The following DPH6 variants were observed in gnomAD, a reference collection of about 807,000 sequenced individuals.
The protein encoded by DPH6 is diphthine--ammonia ligase.
In DPH6, 33 loss-of-function variants were observed where a neutral mutation model predicts 38.2. The observed-to-expected ratio is 0.86, with a 90% CI of 0.65 to 1.15. DPH6 has a LOEUF of 1.15. Ranked by LOEUF, DPH6 falls within the 50% of genes most tolerant of loss-of-function variation. DPH6 has a pLI of 0.00. For missense variants in DPH6, 325 were observed against 320.0 expected (o/e 1.02, Z -0.12); for synonymous variants, 108 against 103.0 (o/e 1.05, Z -0.30).
intron 5 of DPH6, among the ~76,000 whole-genome samples, chr15:35,441,830 ATATG>A (rs1211542321): frequency 2.6e-5 from 4 of 152,196 alleles, no homozygotes; most frequent in South Asian, 2.1e-4. Context: ...ATGAGCTCAT[ATATG>A]TATGTGTGTG....
At chr15:35,418,649 C>T (rs961753768) in intron 5 of DPH6, among the ~76,000 whole-genome samples, 1 of 152,112 alleles carries the variant, frequency 6.6e-6, no homozygotes, top group African/African-American at 2.4e-5. Context: ...ACTTTACTTA[C>T]TGACCTTGAA....
At chr15:35,465,025 T>TA (rs2054110837) in intron 3 of DPH6, among the ~76,000 whole-genome samples, 1 of 152,198 alleles carries the variant, frequency 6.6e-6, no homozygotes, top group African/African-American at 2.4e-5. Flanking sequence ...AGACACAAAT[T>TA]AGACTGTTGA....
intron 3 of DPH6, among the ~76,000 whole-genome samples, chr15:35,254,012 T>A (rs1374404440): frequency 6.6e-6 from 1 of 152,190 alleles, no homozygotes; most frequent in Non-Finnish European, 1.5e-5. Flanking sequence ...CATTTGTTGA[T>A]TTGAATATCA....
chr15:35,360,743 G>A (rs951085248), intron 3 of DPH6, among the ~76,000 whole-genome samples: 1 of 152,010 alleles, frequency 6.6e-6, no homozygotes, highest in Admixed American at 6.5e-5. Flanking sequence ...CTGTCTCTGG[G>A]CTATGGTAGA....
chr15:35,308,376 T>C (rs181363891), intron 3 of DPH6, among the ~76,000 whole-genome samples: 25 of 152,318 alleles, frequency 1.6e-4, no homozygotes, highest in African/African-American at 5.5e-4. Context: ...AAATATCACA[T>C]TGTATCTCAT....
At chr15:35,150,172 C>T in the DPH6 span, among the ~76,000 whole-genome samples, 1 of 152,126 alleles carries the variant, frequency 6.6e-6, no homozygotes, top group Non-Finnish European at 1.5e-5. Context: ...CAAATAGAGA[C>T]AATGTAAATG....
At chr15:35,346,700 A>G (rs765311284) in intron 3 of DPH6, among the ~76,000 whole-genome samples, 4 of 152,118 alleles carry the variant, frequency 2.6e-5, no homozygotes, top group Non-Finnish European at 5.9e-5. Context: ...CTTAAGAGGA[A>G]TGCTTAGGTC....
At chr15:35,239,983 C>T (rs1439947244) in intron 3 of DPH6, among the ~76,000 whole-genome samples, 1 of 142,170 alleles carries the variant, frequency 7.0e-6, no homozygotes, top group Non-Finnish European at 1.5e-5. Context: ...AGGGCAAGAA[C>T]CCCCCACCCC....
At chr15:35,246,157 ACT>A (rs1258133293) in intron 3 of DPH6, among the ~76,000 whole-genome samples, 5 of 151,572 alleles carry the variant, frequency 3.3e-5, no homozygotes, top group Admixed American at 1.3e-4. Context: ...CCCTTTGCTG[ACT>A]CTCTTTTCGG....
At chr15:35,199,022 C>T in the DPH6 span, among the ~76,000 whole-genome samples, 15 of 151,954 alleles carry the variant, frequency 9.9e-5, no homozygotes, top group African/African-American at 3.6e-4. Context: ...CAGGTTGAAG[C>T]AATTCTCCTG....
intron 3 of DPH6, among the ~76,000 whole-genome samples, chr15:35,340,772 G>A (rs1040789363): frequency 6.6e-6 from 1 of 152,120 alleles, no homozygotes; most frequent in Non-Finnish European, 1.5e-5. Flanking sequence ...GCTTCCCTTT[G>A]TAGGTGACCT....
chr15:35,223,170 T>A (rs1297784962), intron 3 of DPH6, among the ~76,000 whole-genome samples: 1 of 152,148 alleles, frequency 6.6e-6, no homozygotes, highest in Non-Finnish European at 1.5e-5. Context: ...AGTCTAAGAT[T>A]AAAAGGCCAG....
chr15:35,295,231 C>A (rs967534758), intron 3 of DPH6, among the ~76,000 whole-genome samples: 1 of 152,188 alleles, frequency 6.6e-6, no homozygotes, highest in Non-Finnish European at 1.5e-5. Context: ...TTAAACCCAT[C>A]TGCTACCCAT....
intron 3 of DPH6, among the ~76,000 whole-genome samples, chr15:35,311,006 C>G (rs2052136886): frequency 6.6e-6 from 1 of 151,532 alleles, no homozygotes; most frequent in South Asian, 2.1e-4. Context: ...TTGCAGTGAG[C>G]CGAGATCACT....
At chr15:35,145,424 AT>A in the DPH6 span, among the ~76,000 whole-genome samples, 12 of 152,220 alleles carry the variant, frequency 7.9e-5, no homozygotes, top group Non-Finnish European at 1.3e-4. Flanking sequence ...ACTGACAATT[AT>A]TCTTCATTAG....
At chr15:35,234,582 A>T (rs1225962235) in intron 3 of DPH6, among the ~76,000 whole-genome samples, 1 of 152,238 alleles carries the variant, frequency 6.6e-6, no homozygotes, top group Non-Finnish European at 1.5e-5. Context: ...TAATATTAAC[A>T]ACACCCAAAC....
Position 35,512,346 on chromosome 15 carries a change from C to T in DPH6, c.312+25928G>A, listed in dbSNP as rs116824029. On this transcript the variant is annotated intron_variant, in intron 3 of 8. Coordinates refer to ENST00000256538, the MANE Select transcript of DPH6 (RefSeq NM_080650.4). The stretch of plus-strand genomic sequence containing the variant: ...GAGTGTGGCTAGTTGGAAAACAGAA[C>T]CTAGTAGAAAAAAAAAGTTAAAATT... 7.9e-3 allele frequency among the ~76,000 whole-genome samples: 1,197 copies of T among 151,984 alleles called. 29 individuals are homozygous for T. The highest frequency in any genetic ancestry group is 0.028 in the African/African-American group (1,141 of 41,444).
chr15:35,356,292 C>G (rs144700176), intron 3 of DPH6, among the ~76,000 whole-genome samples: 4,889 of 152,304 alleles, frequency 0.032, 250 homozygotes, highest in African/African-American at 0.11. Context: ...TCGTCAAAGT[C>G]ATTCTCTGTC....
At chr15:35,464,353 C>A (rs960577600) in intron 3 of DPH6, among the ~76,000 whole-genome samples, 1 of 151,292 alleles carries the variant, frequency 6.6e-6, no homozygotes, top group African/African-American at 2.4e-5. Flanking sequence ...TAACAGACCA[C>A]AAGGGAGACA....
Sources: gnomAD v4.1 joint callset for allele counts (sites outside exome capture counted in the v4.1 genomes callset) on GRCh38, gnomAD v4.1.1 for gene constraint, MANE v1.5 for transcripts, NCBI Gene and HGNC (gene_info 2026-07-23, HGNC 2026-07-21) for gene names.